NTRK3: variants seen among roughly 807,000 people sequenced by gnomAD.
NTRK3 encodes NT-3 growth factor receptor.
A neutral mutation model predicts 91.7 loss-of-function variants in NTRK3; 24 were observed. The ratio of observed to expected loss-of-function variants is 0.26; its 90% confidence interval spans 0.19 to 0.37. NTRK3 has a LOEUF of 0.37. Ranked by LOEUF, NTRK3 falls within the 10% of genes least tolerant of loss-of-function variation. The pLI is 1.00. For synonymous variants in NTRK3, 483 were observed against 404.0 expected, an observed-to-expected ratio of 1.20 and a Z score of -2.34; for missense variants, 880 against 1,068.9, an observed-to-expected ratio of 0.82 and a Z score of 2.46.
intron 17 of NTRK3, among the ~76,000 whole-genome samples, chr15:87,909,414 C>A (rs559227019): frequency 2.0e-5 from 3 of 152,250 alleles, no homozygotes; most frequent in South Asian, 4.2e-4. Context: ...AGAGAAGCAG[C>A]ACTGGAATGA....
At chr15:88,217,742 T>A (rs1335155425) in intron 3 of NTRK3, among the ~76,000 whole-genome samples, 2 of 150,714 alleles carry the variant, frequency 1.3e-5, no homozygotes, top group African/African-American at 2.4e-5. Context: ...ATGGTAAATT[T>A]TATTATGTGT....
chr15:87,998,754 C>T (rs180915283), intron 14 of NTRK3, among the ~76,000 whole-genome samples: 1 of 152,134 alleles, frequency 6.6e-6, no homozygotes. Context: ...GAAACAATTG[C>T]CTGCACTGCA....
At chr15:87,882,691 C>T (rs916181791) in intron 17 of NTRK3, among the ~76,000 whole-genome samples, 4 of 151,958 alleles carry the variant, frequency 2.6e-5, no homozygotes, top group African/African-American at 7.2e-5. Context: ...AAAAAAGAAG[C>T]TTACAGTGAT....
chr15:88,062,425 T>C (rs928934874), intron 13 of NTRK3, among the ~76,000 whole-genome samples: 6 of 152,148 alleles, frequency 3.9e-5, no homozygotes, highest in African/African-American at 1.4e-4. Context: ...TTGCAGCCAA[T>C]GGGATATAAA....
chr15:88,035,617 G>T (rs371369734), intron 13 of NTRK3, among the ~76,000 whole-genome samples: 2 of 152,166 alleles, frequency 1.3e-5, no homozygotes, highest in South Asian at 2.1e-4. Flanking sequence ...AGGCAGAATC[G>T]CACTAGCTTT....
exon 19 of NTRK3, chr15:87,866,853 T>A (rs1285123560): frequency 4.9e-6 from 1 of 206,182 alleles, no homozygotes; most frequent in Non-Finnish European, 9.9e-6. Flanking sequence ...AATCTGTGTG[T>A]CAATATTATA....
chr15:87,865,058 T>C, exon 19 of NTRK3: 1 of 214,376 alleles, frequency 4.7e-6, no homozygotes, highest in East Asian at 6.9e-5. Context: ...ATTGCCTCTG[T>C]ATGAGGCAAA....
chr15:88,052,951 G>C (rs970111560), intron 13 of NTRK3, among the ~76,000 whole-genome samples: 7 of 152,176 alleles, frequency 4.6e-5, no homozygotes, highest in African/African-American at 1.7e-4. Context: ...CTTTAAATAA[G>C]TGGCTTAACT....
intron 14 of NTRK3, among the ~76,000 whole-genome samples, chr15:88,002,928 T>G (rs1344610062): frequency 6.6e-6 from 1 of 152,064 alleles, no homozygotes; most frequent in Non-Finnish European, 1.5e-5. Flanking sequence ...AAATCAGATA[T>G]TCAATGAGTC....
At chr15:88,071,242 C>T (rs145598715) in intron 13 of NTRK3, among the ~76,000 whole-genome samples, 120 of 152,350 alleles carry the variant, frequency 7.9e-4, no homozygotes, top group African/African-American at 2.5e-3. Flanking sequence ...AGGGCAGAAG[C>T]GGGTGCTACT....
chr15:87,978,215 G>T lies in NTRK3; in HGVS notation c.1586-37462C>A, dbSNP rs548646541. On this transcript the variant is annotated intron_variant, in intron 14 of 18. Transcript: ENST00000394480. ...CTCAGTGGATCAAGTTGAAAATGGG[G>T]GAAGCGAGCCCCCTCTTTGGGAGAG... The T allele has an allele frequency of 1.3e-5, 3 of 230,708 alleles. No individual in the cohort carries two copies. The South Asian group carries it at 5.5e-4, about 42-fold the overall frequency. The allele number at this position is 230,708 out of a possible 1,614,324, so 14.3% of individuals were successfully genotyped here.
intron 3 of NTRK3, among the ~76,000 whole-genome samples, chr15:88,222,552 A>G (rs1271471055): frequency 6.6e-6 from 1 of 152,226 alleles, no homozygotes; most frequent in African/African-American, 2.4e-5. Context: ...TTTCACACAG[A>G]ACGCAGAACA....
exon 19 of NTRK3, chr15:87,859,983 C>G (rs1031159337): frequency 1.5e-5 from 3 of 194,794 alleles, no homozygotes; most frequent in African/African-American, 7.0e-5. Flanking sequence ...CATATACATA[C>G]CTATGTCCAT....
chr15:88,011,120 C>A (rs1028847533), intron 14 of NTRK3, among the ~76,000 whole-genome samples: 1 of 152,048 alleles, frequency 6.6e-6, no homozygotes, highest in African/African-American at 2.4e-5. Flanking sequence ...AACAAGCATG[C>A]CACACAGGCC....
chr15:88,139,148 AT>A (rs1299916788), intron 6 of NTRK3, among the ~76,000 whole-genome samples: 2 of 152,212 alleles, frequency 1.3e-5, no homozygotes, highest in East Asian at 3.8e-4. Flanking sequence ...AGAATGTTTG[AT>A]AGGGGAAGAG....
rs190520766 is a variant in NTRK3, at chr15:88,246,598, C to T, written c.248+9308G>A. Among the ~76,000 whole-genome samples, 210 of 152,314 alleles carry T rather than the reference C, an allele frequency of 1.4e-3. 3 individuals carry two copies. Among genetic ancestry groups the T allele is most frequent in the Admixed American group, 0.014 (208 of 15,300 alleles). ...AAGCCTGTGGGTCTTCCTGGGCTAC[C>T]TTCCATGCATTCACCCCATTACCCT... is the stretch of plus-strand genomic sequence containing the variant. On this transcript the variant is annotated intron_variant, in intron 3 of 18. Transcript: ENST00000394480.
chr15:87,961,920 C>T (rs1194172114), intron 14 of NTRK3, among the ~76,000 whole-genome samples: 1 of 152,236 alleles, frequency 6.6e-6, no homozygotes. Flanking sequence ...AGGAGCATAC[C>T]AGAGAGGTGG....
At chr15:87,979,157 AC>A in intron 14 of NTRK3, 1 of 637,180 alleles carries the variant, frequency 1.6e-6, no homozygotes, top group South Asian at 1.8e-5. Context: ...GGAAGGGGCA[AC>A]CCTGCCAGTG....
At chr15:88,246,253 C>T (rs920251484) in intron 3 of NTRK3, among the ~76,000 whole-genome samples, 2 of 152,246 alleles carry the variant, frequency 1.3e-5, no homozygotes, top group African/African-American at 2.4e-5. Context: ...ACCAGCCAGT[C>T]CAGGCAGGGC....
Sources: gnomAD v4.1 joint callset for allele counts (sites outside exome capture counted in the v4.1 genomes callset) on GRCh38, gnomAD v4.1.1 for gene constraint, MANE v1.5 for transcripts, NCBI Gene and HGNC (gene_info 2026-07-23, HGNC 2026-07-21) for gene names.